XKR4: variants seen among roughly 807,000 people sequenced by gnomAD.
The protein encoded by XKR4 is XK-related protein 4.
A neutral mutation model predicts 53.9 loss-of-function variants in XKR4; 12 were observed. The observed-to-expected ratio is 0.22, with a 90% CI of 0.14 to 0.36. XKR4 has a LOEUF of 0.36. Among genes scored for constraint, XKR4 ranks in the 10% least tolerant of loss-of-function variants. The pLI, the probability that XKR4 is intolerant of heterozygous loss-of-function variation, is 1.00. For synonymous variants in XKR4, 354 were observed against 362.4 expected, an observed-to-expected ratio of 0.98 and a Z score of 0.26; for missense variants, 799 against 859.5, an observed-to-expected ratio of 0.93 and a Z score of 0.88.
chr8:55,102,448 G>T lies in XKR4; in HGVS notation c.-41G>T, dbSNP rs750313019. ...CGGGAGGAGGAGACAGCGGGGAAAG[G>T]TGTCAGATAAAGGAGGGCTCTCCTC... is the stretch of plus-strand genomic sequence containing the variant. On this transcript the variant is annotated 5_prime_UTR_variant, in exon 1 of 3. Transcript: ENST00000327381. The surrounding 1 kb of genome is among the most constrained non-coding windows in gnomAD (Gnocchi z 5.1). 8.5e-6 allele frequency: 13 copies of T among 1,527,166 alleles called. No individual in the cohort carries two copies. Among genetic ancestry groups the T allele is most frequent in the East Asian group, 8.1e-5 (3 of 37,042 alleles). 94.6% of individuals were successfully genotyped at this position (1,527,166 alleles called of 1,614,324 possible). A position where few individuals can be genotyped will look rare whatever the true frequency, so the allele number is the denominator to read the frequency against.
chr8:55,510,837 G>T (rs1776970496), intron 2 of XKR4, among the ~76,000 whole-genome samples: 1 of 152,208 alleles, frequency 6.6e-6, no homozygotes, highest in South Asian at 2.1e-4. Flanking sequence ...TGCCCTAAGA[G>T]TTGCAGGAGC....
At chr8:55,242,679 G>C (rs924366621) in intron 1 of XKR4, among the ~76,000 whole-genome samples, 2 of 152,120 alleles carry the variant, frequency 1.3e-5, no homozygotes, top group Non-Finnish European at 2.9e-5. Flanking sequence ...CAGAAGGGAC[G>C]TGTGCCCACC....
chr8:55,500,833 G>A (rs972498968), intron 2 of XKR4, among the ~76,000 whole-genome samples: 1 of 152,136 alleles, frequency 6.6e-6, no homozygotes, highest in Non-Finnish European at 1.5e-5. Context: ...GCATGCCACG[G>A]AGCTATAGGT....
At chr8:55,385,359 G>A (rs936720677) in intron 2 of XKR4, among the ~76,000 whole-genome samples, 6 of 152,012 alleles carry the variant, frequency 3.9e-5, no homozygotes, top group African/African-American at 1.2e-4. Flanking sequence ...TCCCATTTTC[G>A]TCTGGCACAT....
intron 2 of XKR4, among the ~76,000 whole-genome samples, chr8:55,419,495 C>T (rs80128458): frequency 0.013 from 2,013 of 152,252 alleles, 43 homozygotes; most frequent in African/African-American, 0.046. Flanking sequence ...TAGTTCTAAC[C>T]GTTTTCACTT....
At chr8:55,382,011 A>G (rs1804242479) in intron 2 of XKR4, among the ~76,000 whole-genome samples, 1 of 152,236 alleles carries the variant, frequency 6.6e-6, no homozygotes, top group Admixed American at 6.5e-5. Context: ...TTGTGTTTCT[A>G]TTCTAAAGCT....
At chr8:55,422,724 G>T (rs1804952679) in intron 2 of XKR4, among the ~76,000 whole-genome samples, 2 of 152,174 alleles carry the variant, frequency 1.3e-5, no homozygotes, top group Non-Finnish European at 2.9e-5. Flanking sequence ...GCACTGGAAT[G>T]ATAGCATCAG....
chr8:55,402,651 G>A lies in XKR4; in HGVS notation c.1006+44774G>A, dbSNP rs1266304083. Among the ~76,000 whole-genome samples, 3 of 152,192 alleles carry A rather than the reference G, an allele frequency of 2.0e-5. No homozygotes were observed. In the East Asian group the frequency reaches 5.8e-4, roughly 29 times the overall value. On this transcript the variant is annotated intron_variant, in intron 2 of 2. Coordinates refer to ENST00000327381, the MANE Select transcript of XKR4 (RefSeq NM_052898.2). ...TCAAATTGTTGCTGTAATTTTCACTGTGAAAATATGGACCAGTGCATGTCG... is the reference window on the plus strand; with the variant it reads ...TCAAATTGTTGCTGTAATTTTCACTATGAAAATATGGACCAGTGCATGTCG...
chr8:55,301,234 G>A (rs1365214760), intron 1 of XKR4, among the ~76,000 whole-genome samples: 2 of 147,996 alleles, frequency 1.4e-5, no homozygotes, highest in African/African-American at 2.5e-5. Context: ...CCAGGAGTGA[G>A]AACATGCGGT....
At chr8:55,123,321 TA>T (rs1230341597) in intron 1 of XKR4, among the ~76,000 whole-genome samples, 3 of 152,226 alleles carry the variant, frequency 2.0e-5, no homozygotes, top group Non-Finnish European at 2.9e-5. Flanking sequence ...CATTTCTAGA[TA>T]CTCTGTTTTA....
At chr8:55,392,224 T>C (rs1484877034) in intron 2 of XKR4, among the ~76,000 whole-genome samples, 2 of 152,144 alleles carry the variant, frequency 1.3e-5, no homozygotes, top group Non-Finnish European at 2.9e-5. Flanking sequence ...GATTGTCAAA[T>C]GCAGGCATCA....
Position 55,251,229 on chromosome 8 carries a change from C to G in XKR4, c.807-106449C>G, listed in dbSNP as rs116184479. ...AATAGAGGTAAGGTATAGACATTGG[C>G]ATAGGTAAGAATACAGTCCTTTTCT... On this transcript the variant is annotated intron_variant, in intron 1 of 2. Coordinates refer to ENST00000327381, the MANE Select transcript of XKR4 (RefSeq NM_052898.2). Among the ~76,000 whole-genome samples, 642 of 152,298 alleles carry G rather than the reference C, an allele frequency of 4.2e-3. 5 individuals carry two copies. Among genetic ancestry groups the G allele is most frequent in the African/African-American group, 0.015 (614 of 41,552 alleles).
Position 55,508,370 on chromosome 8 carries a change from G to A in XKR4, c.1007-14911G>A, listed in dbSNP as rs868405584. Reference sequence around the variant, plus strand: ...TTAGAACATCTCTAAATTCAATTCTGTTCAATTCAATACAACTTATCAAAT... The same window carrying A: ...TTAGAACATCTCTAAATTCAATTCTATTCAATTCAATACAACTTATCAAAT... On this transcript the variant is annotated intron_variant, in intron 2 of 2. Transcript: ENST00000327381. Among the ~76,000 whole-genome samples the A allele has an allele frequency of 2.0e-5, 3 of 152,204 alleles. No individual in the cohort carries two copies. The East Asian group carries it at 5.8e-4, about 29-fold the overall frequency.
chr8:55,169,587 C>A (rs1387987443), intron 1 of XKR4, among the ~76,000 whole-genome samples: 1 of 152,212 alleles, frequency 6.6e-6, no homozygotes, highest in East Asian at 1.9e-4. Context: ...TCCACAAAAC[C>A]ATCATGACAG....
At chr8:55,483,927 A>G (rs1806154289) in intron 2 of XKR4, among the ~76,000 whole-genome samples, 1 of 152,206 alleles carries the variant, frequency 6.6e-6, no homozygotes, top group African/African-American at 2.4e-5. Flanking sequence ...AAGATCAATA[A>G]AATTGACAAA....
chr8:55,374,397 G>C (rs1804117842), intron 2 of XKR4, among the ~76,000 whole-genome samples: 1 of 152,194 alleles, frequency 6.6e-6, no homozygotes, highest in Non-Finnish European at 1.5e-5. Flanking sequence ...AGAGAGAAGT[G>C]ACCGGTTCCA....
At chr8:55,445,991 C>T (rs767734352) in intron 2 of XKR4, among the ~76,000 whole-genome samples, 27 of 152,196 alleles carry the variant, frequency 1.8e-4, no homozygotes, top group Middle Eastern at 3.2e-3. Flanking sequence ...TCTCCTTGTG[C>T]TGTGTGAGCC....
rs557024201 is a variant in XKR4, at chr8:55,317,605, C to T, written c.807-40073C>T. 6.6e-5 allele frequency among the ~76,000 whole-genome samples: 10 copies of T among 152,266 alleles called. No homozygotes were observed. In the South Asian group the frequency reaches 1.9e-3, roughly 28 times the overall value. On this transcript the variant is annotated intron_variant, in intron 1 of 2. Coordinates refer to ENST00000327381, the MANE Select transcript of XKR4 (RefSeq NM_052898.2). ...GTACTGTGGCATTTTCAGCTCAGCC[C>T]CAGCCTTCCAGCCAGTTGTCATGTC... is the stretch of plus-strand genomic sequence containing the variant.
chr8:55,454,923 C>T (rs1255752690), intron 2 of XKR4: 16 of 779,230 alleles, frequency 2.1e-5, no homozygotes, highest in East Asian at 9.8e-5. Flanking sequence ...TAGTGGCGCC[C>T]GGAGTTGATG....
Sources: allele counts gnomAD v4.1 joint callset (sites outside exome capture counted in the v4.1 genomes callset), GRCh38; gene constraint gnomAD v4.1.1; non-coding constraint Gnocchi (gnomAD v3.1); transcripts MANE v1.5; gene names NCBI Gene and HGNC (gene_info 2026-07-23, HGNC 2026-07-21).